SULF1: variants seen among roughly 807,000 people sequenced by gnomAD.
SULF1 encodes extracellular sulfatase Sulf-1.
SULF1 carries 46 observed loss-of-function variants against 110.5 expected under a neutral mutation model. That is an observed-to-expected ratio of 0.42 (90% CI 0.33 to 0.53). The LOEUF is 0.53. SULF1 is among the 20% of genes least tolerant of loss of function. SULF1 has a pLI of 0.12. For synonymous variants in SULF1, 371 were observed against 387.1 expected (o/e 0.96, Z 0.49); for missense variants, 941 against 1,094.2 (o/e 0.86, Z 1.98).
intron 14 of SULF1, 112 bp downstream of exon 14, chr8:69,621,363 T>A: frequency 1.4e-6 from 1 of 691,614 alleles, no homozygotes; most frequent in East Asian, 2.7e-5. Context: ...AATGCATCAT[T>A]TTCAGGCTAA....
At chr8:69,619,648 A>T (rs537668923) in intron 13 of SULF1, among the ~76,000 whole-genome samples, 1 of 152,250 alleles carries the variant, frequency 6.6e-6, no homozygotes, top group Non-Finnish European at 1.5e-5. Context: ...TCTGTCTCAC[A>T]TAGCAGCATG....
At position 69,501,925 on chromosome 8, in the gene SULF1, A is replaced by G. The variant is rs13264163; in HGVS notation, c.-177A>G. 26,252 of 152,256 alleles carry G rather than the reference A, an allele frequency of 0.17. 2,896 individuals carry two copies. The highest frequency in any genetic ancestry group is 0.32 in the South Asian group (1,522 of 4,822). 9.4% of individuals were successfully genotyped at this position (152,256 alleles called of 1,614,324 possible). A position where few individuals can be genotyped will look rare whatever the true frequency, so the allele number is the denominator to read the frequency against. ...AAAGAAGATAAACTTGGCAAATGACATGCAGGTTCTTCAAGGCAGAATAAT... is the reference window on the plus strand; with the variant it reads ...AAAGAAGATAAACTTGGCAAATGACGTGCAGGTTCTTCAAGGCAGAATAAT... On this transcript the variant is annotated 5_prime_UTR_variant, in exon 3 of 23. It removes an upstream start codon present in the reference 5' UTR. Transcript: ENST00000402687.
At chr8:69,586,681 C>T (rs908501441) in intron 7 of SULF1, among the ~76,000 whole-genome samples, 173 bp downstream of exon 7, 12 of 152,230 alleles carry the variant, frequency 7.9e-5, no homozygotes, top group Non-Finnish European at 1.3e-4. Context: ...TCTCAAGGAA[C>T]GCTGCCTTTG....
At chr8:69,475,281 G>A (rs1809254040) in intron 1 of SULF1, among the ~76,000 whole-genome samples, 1 of 151,996 alleles carries the variant, frequency 6.6e-6, no homozygotes, top group South Asian at 2.1e-4. Context: ...AGATGCCTTA[G>A]GAAGTTCAAG....
chr8:69,540,795 C>T (rs961500953), intron 3 of SULF1, among the ~76,000 whole-genome samples: 4 of 152,052 alleles, frequency 2.6e-5, no homozygotes, highest in South Asian at 2.1e-4. Flanking sequence ...AATGGAAGGC[C>T]GATGAAAAGT....
chr8:69,494,894 A>G (rs1586220353), intron 1 of SULF1, among the ~76,000 whole-genome samples: 1 of 152,102 alleles, frequency 6.6e-6, no homozygotes, highest in Middle Eastern at 3.4e-3. Flanking sequence ...GAAAAAAAAA[A>G]AAAAAAAGAG....
chr8:69,525,753 C>T (rs1812615565), intron 3 of SULF1, among the ~76,000 whole-genome samples: 1 of 152,106 alleles, frequency 6.6e-6, no homozygotes, highest in African/African-American at 2.4e-5. Context: ...GGCACTGAGA[C>T]TTTAATGGTG....
chr8:69,542,150 C>T (rs142553608), intron 3 of SULF1, among the ~76,000 whole-genome samples: 18 of 152,320 alleles, frequency 1.2e-4, no homozygotes, highest in Non-Finnish European at 2.1e-4. Flanking sequence ...TTCCATTCTT[C>T]TTCCCATACC....
intron 22 of SULF1, among the ~76,000 whole-genome samples, chr8:69,657,824 T>C (rs1008865710): frequency 7.2e-5 from 11 of 152,246 alleles, no homozygotes; most frequent in African/African-American, 2.7e-4. Context: ...ACAGTCATCC[T>C]GGAGATGTAG....
rs187743237 is a variant in SULF1, at chr8:69,572,425, G to A, written c.173-3545G>A. Among the ~76,000 whole-genome samples the A allele has an allele frequency of 2.2e-3, 341 of 152,268 alleles. 2 individuals are homozygous for A. The highest frequency in any genetic ancestry group is 0.018 in the South Asian group (86 of 4,828). ...GATTATTGTCTGGATCAAATTAATT[G>A]CTCATGTGAAGCACTTAGAAGAGAA... is the stretch of plus-strand genomic sequence containing the variant. On this transcript the variant is annotated intron_variant, in intron 5 of 22. Transcript: ENST00000402687.
In SULF1 at chr8:69,636,257, C is replaced by A. The variant is rs58172001; in HGVS notation, c.2285-2245C>A. Reference sequence around the variant, plus strand: ...GTAGCATAAAAATTCATGTTTCAGACCGGGCGCGGTGGCTCACACCTGTAA... The same window carrying A: ...GTAGCATAAAAATTCATGTTTCAGAACGGGCGCGGTGGCTCACACCTGTAA... On this transcript the variant is annotated intron_variant, in intron 19 of 22. Transcript: ENST00000402687. Among the ~76,000 whole-genome samples the A allele has an allele frequency of 6.0e-3, 912 of 152,266 alleles. 12 individuals are homozygous for A. The highest frequency in any genetic ancestry group is 0.021 in the African/African-American group (856 of 41,530).
intron 3 of SULF1, among the ~76,000 whole-genome samples, chr8:69,513,877 A>G (rs1811741169): frequency 6.6e-6 from 1 of 152,268 alleles, no homozygotes; most frequent in African/African-American, 2.4e-5. Context: ...CACACTCTTA[A>G]TAAGTTTTCT....
chr8:69,604,307 C>T (rs1305201243), intron 12 of SULF1, among the ~76,000 whole-genome samples: 1 of 152,134 alleles, frequency 6.6e-6, no homozygotes, highest in Non-Finnish European at 1.5e-5. Context: ...TAAGCTGCCT[C>T]CAAGCCTCAC....
intron 3 of SULF1, among the ~76,000 whole-genome samples, chr8:69,529,252 G>C (rs1812922339): frequency 6.6e-6 from 1 of 152,064 alleles, no homozygotes. Flanking sequence ...AGGGAAAAGA[G>C]GTGATGTTCT....
chr8:69,568,893 A>G (rs2150730859), intron 5 of SULF1, among the ~76,000 whole-genome samples: 1 of 152,326 alleles, frequency 6.6e-6, no homozygotes, highest in Middle Eastern at 3.4e-3. Context: ...GAAAGAATAT[A>G]ATCATGTTAA....
intron 22 of SULF1, among the ~76,000 whole-genome samples, chr8:69,652,443 A>G (rs919205545): frequency 3.3e-5 from 5 of 152,180 alleles, no homozygotes; most frequent in Non-Finnish European, 7.3e-5. Context: ...GTCTATTAGT[A>G]TTCTCTTTTC....
intron 5 of SULF1, 22 bp downstream of exon 5, chr8:69,564,169 T>C (rs751822297): frequency 1.2e-6 from 2 of 1,612,434 alleles, no homozygotes; most frequent in Non-Finnish European, 1.7e-6. Context: ...GACTCTTCAC[T>C]TGTTAGTCTC....
intron 5 of SULF1, 119 bp downstream of exon 5, chr8:69,564,266 C>G (rs1233154735): frequency 5.9e-6 from 7 of 1,186,768 alleles, no homozygotes. Flanking sequence ...AACCAACACC[C>G]TAGTTTACGC....
chr8:69,512,816 C>T (rs1244296935), intron 3 of SULF1, among the ~76,000 whole-genome samples: 1 of 152,174 alleles, frequency 6.6e-6, no homozygotes, highest in Non-Finnish European at 1.5e-5. Flanking sequence ...TCAGACATAC[C>T]CTTCATGGGC....
Sources: gnomAD v4.1 joint callset for allele counts (sites outside exome capture counted in the v4.1 genomes callset) on GRCh38, gnomAD v4.1.1 for gene constraint, MANE v1.5 for transcripts, NCBI Gene and HGNC (gene_info 2026-07-23, HGNC 2026-07-21) for gene names.